The following LINGO2 variants were observed in gnomAD, a reference collection of about 807,000 sequenced individuals.
LINGO2 encodes the protein leucine rich repeat and Ig domain containing 2.
Under a neutral mutation model 30.6 loss-of-function variants are expected in LINGO2, and 14 were observed. The observed-to-expected ratio is 0.46, with a 90% CI of 0.30 to 0.72. The LOEUF (loss-of-function observed/expected upper bound fraction) is 0.72. Among genes scored for constraint, LINGO2 ranks in the 30% least tolerant of loss-of-function variants. The pLI is 0.07. For synonymous variants in LINGO2, 317 were observed against 288.5 expected (o/e 1.10, Z -1.00); for missense variants, 729 against 751.7 (o/e 0.97, Z 0.35).
At chr9:29,045,353 T>C in the LINGO2 span, among the ~76,000 whole-genome samples, 1 of 152,128 alleles carries the variant, frequency 6.6e-6, no homozygotes, top group Non-Finnish European at 1.5e-5. Flanking sequence ...TTTCATACAA[T>C]GAAGTACTAT....
At chr9:28,766,540 A>G in the LINGO2 span, among the ~76,000 whole-genome samples, 21 of 152,162 alleles carry the variant, frequency 1.4e-4, no homozygotes, top group Non-Finnish European at 2.4e-4. Context: ...AATTAAAAAT[A>G]GAACTACTAT....
intron 1 of LINGO2, among the ~76,000 whole-genome samples, chr9:28,603,626 C>T (rs187974366): frequency 1.2e-3 from 184 of 152,066 alleles, no homozygotes; most frequent in Admixed American, 6.3e-3. Context: ...GCATTCTCTT[C>T]CAGAGCTGTC....
chr9:27,946,821 A>G (rs1014536123), downstream of LINGO2, among the ~76,000 whole-genome samples: 10 of 152,122 alleles, frequency 6.6e-5, no homozygotes, highest in African/African-American at 2.4e-4. Context: ...TGAACAGGCA[A>G]TTCTTCAATC....
At chr9:28,672,873 C>A (rs1588054318), upstream of LINGO2, among the ~76,000 whole-genome samples, 2 of 151,896 alleles carry the variant, frequency 1.3e-5, no homozygotes, top group African/African-American at 4.8e-5. Context: ...ATTCCTAATT[C>A]CTTGGAAGAA....
the LINGO2 span, among the ~76,000 whole-genome samples, chr9:28,940,185 T>A: frequency 6.6e-6 from 1 of 152,168 alleles, no homozygotes; most frequent in South Asian, 2.1e-4. Context: ...AGCCGATGTC[T>A]TCTCCTCTTA....
intron 4 of LINGO2, among the ~76,000 whole-genome samples, chr9:28,217,160 G>GTA (rs1314818616): frequency 7.3e-5 from 11 of 150,358 alleles, no homozygotes; most frequent in African/African-American, 2.7e-4. Flanking sequence ...ATTATATACT[G>GTA]TATATATACT....
At chr9:28,605,759 C>T (rs1825670328) in intron 1 of LINGO2, among the ~76,000 whole-genome samples, 1 of 152,040 alleles carries the variant, frequency 6.6e-6, no homozygotes, top group African/African-American at 2.4e-5. Flanking sequence ...CAAATCCAAC[C>T]TAGCACCTGC....
chr9:28,883,395 T>C, the LINGO2 span, among the ~76,000 whole-genome samples: 1 of 151,558 alleles, frequency 6.6e-6, no homozygotes, highest in African/African-American at 2.4e-5. Flanking sequence ...GTTGTTTACA[T>C]AGTGTTCCTT....
At chr9:28,867,347 ATCTC>A in the LINGO2 span, among the ~76,000 whole-genome samples, 63 of 152,228 alleles carry the variant, frequency 4.1e-4, 1 homozygote, top group African/African-American at 1.5e-3. Context: ...TTCTCATAAA[ATCTC>A]TCTTTTGCCC....
At chr9:28,905,205 T>G in the LINGO2 span, among the ~76,000 whole-genome samples, 1 of 151,420 alleles carries the variant, frequency 6.6e-6, no homozygotes, top group Non-Finnish European at 1.5e-5. Flanking sequence ...CTCCACGCCA[T>G]TGGTCTAGGA....
chr9:28,280,814 C>G lies in LINGO2; in HGVS notation c.-87+14394G>C, dbSNP rs531149437. Among the ~76,000 whole-genome samples, 20 of 152,236 alleles carry G rather than the reference C, an allele frequency of 1.3e-4. 1 individual carries two copies. In the South Asian group the frequency reaches 3.9e-3, roughly 30 times the overall value. On this transcript the variant is annotated intron_variant, in intron 4 of 5. Transcript: ENST00000379992. Reference sequence around the variant, plus strand: ...GGCAAGCTTCGTAAGTGCAATGTACCAATCCAGTGCCTAGTCTTCTGCAAA... The same window carrying G: ...GGCAAGCTTCGTAAGTGCAATGTACGAATCCAGTGCCTAGTCTTCTGCAAA...
chr9:28,996,248 A>C, the LINGO2 span, among the ~76,000 whole-genome samples: 1 of 152,290 alleles, frequency 6.6e-6, no homozygotes, highest in East Asian at 1.9e-4. Context: ...TTTTACTAGA[A>C]TAAATAGCAT....
At chr9:28,538,954 TA>T (rs1045884712) in intron 1 of LINGO2, among the ~76,000 whole-genome samples, 2 of 151,940 alleles carry the variant, frequency 1.3e-5, no homozygotes, top group Admixed American at 1.3e-4. Context: ...AAAAATAAAA[TA>T]AAAAAATCCA....
chr9:28,532,507 A>G (rs1160367233), intron 1 of LINGO2, among the ~76,000 whole-genome samples: 1 of 152,134 alleles, frequency 6.6e-6, no homozygotes, highest in African/African-American at 2.4e-5. Context: ...GAAACAAACA[A>G]GACAAAACAA....
At chr9:29,170,015 C>G in the LINGO2 span, among the ~76,000 whole-genome samples, 1 of 151,784 alleles carries the variant, frequency 6.6e-6, no homozygotes, top group African/African-American at 2.4e-5. Context: ...CAAAAAACAA[C>G]AACAACAACA....
At chr9:28,312,121 T>G (rs1198105082) in intron 3 of LINGO2, among the ~76,000 whole-genome samples, 1 of 150,762 alleles carries the variant, frequency 6.6e-6, no homozygotes, top group Non-Finnish European at 1.5e-5. Flanking sequence ...GTATCTATGT[T>G]CTTTAGCTAG....
At chr9:28,522,894 A>T (rs949574427) in intron 1 of LINGO2, among the ~76,000 whole-genome samples, 3 of 152,182 alleles carry the variant, frequency 2.0e-5, no homozygotes, top group Non-Finnish European at 4.4e-5. Flanking sequence ...AGAAAAAAAA[A>T]ATATGGGAAT....
intron 3 of LINGO2, among the ~76,000 whole-genome samples, chr9:28,344,474 G>C (rs1411489617): frequency 6.6e-6 from 1 of 152,038 alleles, no homozygotes; most frequent in Non-Finnish European, 1.5e-5. Flanking sequence ...GTGAAAATAA[G>C]TAATGAAAAA....
At chr9:28,459,653 G>A (rs796613177) in intron 2 of LINGO2, among the ~76,000 whole-genome samples, 4 of 152,016 alleles carry the variant, frequency 2.6e-5, no homozygotes, top group African/African-American at 9.6e-5. Context: ...TTCCACAGGT[G>A]TATTCTTAGC....
Sources: allele counts gnomAD v4.1 joint callset (sites outside exome capture counted in the v4.1 genomes callset), GRCh38; gene constraint gnomAD v4.1.1; transcripts MANE v1.5; gene names NCBI Gene and HGNC (gene_info 2026-07-23, HGNC 2026-07-21).